The following C8orf34 variants were observed in gnomAD, a reference collection of about 807,000 sequenced individuals.
C8orf34 encodes chromosome 8 open reading frame 34, also known as uncharacterized protein C8orf34.
C8orf34 carries 65 observed loss-of-function variants against 68.3 expected under a neutral mutation model. The ratio of observed to expected loss-of-function variants is 0.95; its 90% confidence interval spans 0.78 to 1.17. C8orf34 has a LOEUF of 1.17. Ranked by LOEUF, C8orf34 falls within the 50% of genes most tolerant of loss-of-function variation. The pLI is 0.00. For missense variants in C8orf34, 664 were observed against 655.4 expected, an observed-to-expected ratio of 1.01 and a Z score of -0.14; for synonymous variants, 244 against 241.2, an observed-to-expected ratio of 1.01 and a Z score of -0.11.
intron 7 of C8orf34, among the ~76,000 whole-genome samples, chr8:68,613,858 T>A (rs1818105976): frequency 6.6e-6 from 1 of 152,140 alleles, no homozygotes; most frequent in South Asian, 2.1e-4. Context: ...CCCTGAGGAA[T>A]CGCCACACTG....
At chr8:68,716,565 C>T (rs897701089) in intron 9 of C8orf34, among the ~76,000 whole-genome samples, 1 of 151,982 alleles carries the variant, frequency 6.6e-6, no homozygotes, top group Non-Finnish European at 1.5e-5. Context: ...CAGGGAAAAG[C>T]AAATTAAGAC....
intron 8 of C8orf34, among the ~76,000 whole-genome samples, chr8:68,648,970 A>G (rs1819261621): frequency 6.6e-6 from 1 of 152,232 alleles, no homozygotes; most frequent in Non-Finnish European, 1.5e-5. Context: ...TTGACTTGAG[A>G]AAACCTATGT....
intron 7 of C8orf34, among the ~76,000 whole-genome samples, chr8:68,569,334 T>G (rs1410830488): frequency 1.3e-5 from 2 of 152,246 alleles, no homozygotes; most frequent in Non-Finnish European, 2.9e-5. Flanking sequence ...CATCTGGTGT[T>G]AGGCTCAAGT....
chr8:68,409,272 A>G lies in C8orf34; in HGVS notation c.328-30227A>G, dbSNP rs76141416. On this transcript the variant is annotated intron_variant, in intron 1 of 13. Coordinates refer to ENST00000518698, the MANE Select transcript of C8orf34 (RefSeq NM_052958.4). Reference sequence around the variant, plus strand: ...AACACTCTTAGGCAGGTCCTTCAGGAGGTATTCCAGAAGAAAGCATTGTTG... The same window carrying G: ...AACACTCTTAGGCAGGTCCTTCAGGGGGTATTCCAGAAGAAAGCATTGTTG... Among the ~76,000 whole-genome samples the G allele has an allele frequency of 2.6e-5, 4 of 152,156 alleles. No individual in the cohort carries two copies. The East Asian group carries it at 7.7e-4, about 29-fold the overall frequency.
intron 3 of C8orf34, among the ~76,000 whole-genome samples, chr8:68,464,272 A>G (rs1388647384): frequency 1.3e-5 from 2 of 152,220 alleles, no homozygotes; most frequent in Non-Finnish European, 1.5e-5. Context: ...AAGGAGAACT[A>G]CAAACCACTG....
chr8:68,412,413 C>T lies in C8orf34; in HGVS notation c.328-27086C>T, dbSNP rs112845813. 5.6e-3 allele frequency among the ~76,000 whole-genome samples: 857 copies of T among 152,176 alleles called. 16 individuals are homozygous for T. The highest frequency in any genetic ancestry group is 0.02 in the African/African-American group (824 of 41,530). ...TTACTTCTTAAACATTTTAGACTTG[C>T]TAGATGTAAGAGATATTTTAAAAAT... On this transcript the variant is annotated intron_variant, in intron 1 of 13. Transcript: ENST00000518698.
chr8:68,748,258 C>T (rs1359778004), intron 10 of C8orf34, among the ~76,000 whole-genome samples: 6 of 141,098 alleles, frequency 4.3e-5, no homozygotes, highest in Non-Finnish European at 6.1e-5. Flanking sequence ...AAGATTTAAA[C>T]ATTAGACCTA....
intron 5 of C8orf34, among the ~76,000 whole-genome samples, chr8:68,499,575 T>C (rs1379214059): frequency 2.0e-5 from 3 of 152,178 alleles, no homozygotes; most frequent in African/African-American, 7.2e-5. Context: ...AGCCACAAAT[T>C]GGCAACCGTC....
chr8:68,495,770 T>A (rs1230464806), intron 5 of C8orf34, among the ~76,000 whole-genome samples: 2 of 152,212 alleles, frequency 1.3e-5, no homozygotes, highest in African/African-American at 4.8e-5. Flanking sequence ...GTCTACACTC[T>A]CAATCTGTGC....
chr8:68,815,326 G>A (rs940688710), intron 12 of C8orf34, among the ~76,000 whole-genome samples: 14 of 151,860 alleles, frequency 9.2e-5, no homozygotes, highest in African/African-American at 3.4e-4. Context: ...AGACAATATA[G>A]TGTGTGTGCA....
intron 10 of C8orf34, among the ~76,000 whole-genome samples, chr8:68,747,547 C>T (rs1049692083): frequency 1.3e-5 from 2 of 150,302 alleles, no homozygotes; most frequent in Non-Finnish European, 3.0e-5. Context: ...TCTCAGGATA[C>T]AAAATCAATG....
At chr8:68,665,778 C>T (rs1380585418) in intron 8 of C8orf34, among the ~76,000 whole-genome samples, 1 of 152,148 alleles carries the variant, frequency 6.6e-6, no homozygotes, top group Non-Finnish European at 1.5e-5. Flanking sequence ...AACCCTGTTA[C>T]ACTCCTTCTC....
At chr8:68,440,844 AC>A (rs1390699508) in intron 2 of C8orf34, among the ~76,000 whole-genome samples, 1 of 148,958 alleles carries the variant, frequency 6.7e-6, no homozygotes, top group Admixed American at 6.7e-5. Context: ...TTGCTCTGTC[AC>A]CCAGGCTGGA....
At chr8:68,772,665 TCTTC>T (rs981987010) in intron 10 of C8orf34, among the ~76,000 whole-genome samples, 2 of 152,048 alleles carry the variant, frequency 1.3e-5, no homozygotes, top group African/African-American at 4.8e-5. Context: ...TTTCTTTCTT[TCTTC>T]CTTCTTTCTT....
At chr8:68,399,585 T>C (rs1586056374) in intron 1 of C8orf34, among the ~76,000 whole-genome samples, 1 of 152,192 alleles carries the variant, frequency 6.6e-6, no homozygotes, top group Non-Finnish European at 1.5e-5. Flanking sequence ...GTTGATTTTA[T>C]ATTTTTGCTA....
At chr8:68,589,128 T>C (rs1022864157) in intron 7 of C8orf34, among the ~76,000 whole-genome samples, 6 of 152,166 alleles carry the variant, frequency 3.9e-5, no homozygotes, top group Non-Finnish European at 8.8e-5. Context: ...ATCAATCACA[T>C]TGACCAGGGA....
chr8:68,743,812 C>T lies in C8orf34; in HGVS notation c.1404+22375C>T, dbSNP rs559935428. On this transcript the variant is annotated intron_variant, in intron 10 of 13. Coordinates refer to ENST00000518698, the MANE Select transcript of C8orf34 (RefSeq NM_052958.4). ...GGCGGCAGCAAGGCTGGGGGAGGGG[C>T]GCCCACCATTGCCCAGGCTTGCTTA... 3.0e-3 allele frequency among the ~76,000 whole-genome samples: 455 copies of T among 152,314 alleles called. 2 individuals are homozygous for T. The highest frequency in any genetic ancestry group is 9.6e-3 in the African/African-American group (399 of 41,580).
At chr8:68,798,104 C>G (rs1177652109) in intron 12 of C8orf34, among the ~76,000 whole-genome samples, 1 of 151,778 alleles carries the variant, frequency 6.6e-6, no homozygotes, top group African/African-American at 2.4e-5. Context: ...CAAAAGAAAT[C>G]TTGATAATTT....
chr8:68,565,635 G>C (rs1413309467), intron 7 of C8orf34, among the ~76,000 whole-genome samples: 1 of 101,094 alleles, frequency 9.9e-6, no homozygotes, highest in East Asian at 2.5e-4. Flanking sequence ...GCGATGCTGA[G>C]AGTTTTCTAA....
Sources: allele counts gnomAD v4.1 joint callset (sites outside exome capture counted in the v4.1 genomes callset), GRCh38; gene constraint gnomAD v4.1.1; transcripts MANE v1.5; gene names NCBI Gene and HGNC (gene_info 2026-07-23, HGNC 2026-07-21).